Variants in SHANK2 observed in about 807,000 individuals in gnomAD.
SHANK2 encodes the protein SH3 and multiple ankyrin repeat domains 2, also known as SH3 and multiple ankyrin repeat domains protein 2.
In SHANK2, 43 loss-of-function variants were observed where a neutral mutation model predicts 133.7. That is an observed-to-expected ratio of 0.32 (90% CI 0.25 to 0.41). The LOEUF is 0.41. Among genes scored for constraint, SHANK2 ranks in the 10% least tolerant of loss-of-function variants. The pLI, the probability that SHANK2 is intolerant of heterozygous loss-of-function variation, is 1.00. For synonymous variants in SHANK2, 1,017 were observed against 952.8 expected, an observed-to-expected ratio of 1.07 and a Z score of -1.24; for missense variants, 1,994 against 2,235.8, an observed-to-expected ratio of 0.89 and a Z score of 2.18.
chr11:70,639,803 C>A (rs868994789), intron 17 of SHANK2, among the ~76,000 whole-genome samples: 8 of 152,096 alleles, frequency 5.3e-5, no homozygotes, highest in African/African-American at 1.7e-4. Flanking sequence ...CCTGAGCGGA[C>A]CCCCCTTGAG....
At chr11:71,145,792 C>T (rs1340749183) in intron 3 of SHANK2, among the ~76,000 whole-genome samples, 2 of 95,112 alleles carry the variant, frequency 2.1e-5, no homozygotes, top group Non-Finnish European at 4.3e-5. Flanking sequence ...GTGGCTGGGG[C>T]CGGGAGACTG....
At chr11:70,808,500 C>G (rs1264698396) in intron 12 of SHANK2, among the ~76,000 whole-genome samples, 4 of 147,262 alleles carry the variant, frequency 2.7e-5, no homozygotes, top group African/African-American at 1.0e-4. Flanking sequence ...CCGCACCTGG[C>G]CTATTTTGCC....
chr11:70,502,039 A>T, intron 19 of SHANK2, 108 bp from the exon 20 acceptor site: 7 of 1,372,216 alleles, frequency 5.1e-6, no homozygotes, highest in Non-Finnish European at 7.1e-6. Flanking sequence ...AGGTGCACAC[A>T]TGGGGCTGCG....
At chr11:70,688,744 A>G (rs1303510766) in intron 15 of SHANK2, among the ~76,000 whole-genome samples, 6 of 152,094 alleles carry the variant, frequency 3.9e-5, no homozygotes, top group Admixed American at 2.0e-4. Context: ...TCATGAGTCT[A>G]GGCCCTTTGT....
chr11:70,536,702 G>A lies in SHANK2; in HGVS notation c.2062-33771C>T, dbSNP rs540091182. On this transcript the variant is annotated intron_variant, in intron 17 of 25. Coordinates refer to ENST00000601538, the MANE Select transcript of SHANK2 (RefSeq NM_012309.5). ...CTTGAGCCAATGTCTTGGACATTTCGTGAAAATGGAACCGTGCACCGTGCC... is the reference window on the plus strand; with the variant it reads ...CTTGAGCCAATGTCTTGGACATTTCATGAAAATGGAACCGTGCACCGTGCC... Among the ~76,000 whole-genome samples, 5 of 152,312 alleles carry A rather than the reference G, an allele frequency of 3.3e-5. No individual in the cohort carries two copies. In the South Asian group the frequency reaches 8.3e-4, roughly 25 times the overall value.
At chr11:70,537,647 C>T (rs2059562981) in intron 17 of SHANK2, among the ~76,000 whole-genome samples, 2 of 152,240 alleles carry the variant, frequency 1.3e-5, no homozygotes, top group South Asian at 4.1e-4. Context: ...GAACACATTC[C>T]CCTTGCTTGA....
At chr11:70,783,321 C>T (rs184493279) in intron 14 of SHANK2, among the ~76,000 whole-genome samples, 4 of 152,192 alleles carry the variant, frequency 2.6e-5, no homozygotes, top group Non-Finnish European at 4.4e-5. Context: ...GGGGTATGGG[C>T]GATGGAAGGG....
intron 10 of SHANK2, among the ~76,000 whole-genome samples, chr11:70,937,945 A>G (rs1456009153): frequency 1.3e-5 from 2 of 152,032 alleles, no homozygotes; most frequent in Admixed American, 6.6e-5. Context: ...GCCTGTGTGC[A>G]TGCCTGTGTG....
intron 17 of SHANK2, among the ~76,000 whole-genome samples, chr11:70,561,352 C>T (rs1249281368): frequency 6.6e-6 from 1 of 151,934 alleles, no homozygotes; most frequent in African/African-American, 2.4e-5. Flanking sequence ...AAGGTTTTGC[C>T]ATGTTGCCCG....
At chr11:70,532,534 A>G (rs1308221843) in intron 17 of SHANK2, among the ~76,000 whole-genome samples, 1 of 151,802 alleles carries the variant, frequency 6.6e-6, no homozygotes, top group Non-Finnish European at 1.5e-5. Flanking sequence ...TCCTCGCCAG[A>G]CTCTAAAATG....
At chr11:71,057,242 G>A (rs1950931854) in intron 9 of SHANK2, among the ~76,000 whole-genome samples, 2 of 152,108 alleles carry the variant, frequency 1.3e-5, no homozygotes, top group South Asian at 2.1e-4. Flanking sequence ...GCTGAGGCAG[G>A]AGAATCACTT....
intron 11 of SHANK2, among the ~76,000 whole-genome samples, chr11:70,855,417 C>A (rs1329395083): frequency 1.3e-5 from 2 of 152,212 alleles, no homozygotes; most frequent in Admixed American, 1.3e-4. Context: ...CTCCCCCAAC[C>A]CCTTGCTCAG....
At chr11:70,792,099 C>T (rs1190014604) in intron 14 of SHANK2, among the ~76,000 whole-genome samples, 1 of 151,226 alleles carries the variant, frequency 6.6e-6, no homozygotes, top group Admixed American at 6.6e-5. Context: ...AATCAGCCAG[C>T]CAGCTAACCA....
intron 14 of SHANK2, among the ~76,000 whole-genome samples, chr11:70,711,841 G>C (rs1555026209): frequency 2.0e-5 from 3 of 152,244 alleles, no homozygotes; most frequent in African/African-American, 4.8e-5. Flanking sequence ...GGGCTCCCGG[G>C]ACTGACCTTG....
At chr11:71,132,943 G>A (rs781997923) in intron 3 of SHANK2, among the ~76,000 whole-genome samples, 6 of 152,128 alleles carry the variant, frequency 3.9e-5, no homozygotes, top group Non-Finnish European at 8.8e-5. Flanking sequence ...GAAGGCTGAG[G>A]GGCTGGGGAG....
chr11:70,918,613 C>A (rs543979851), intron 10 of SHANK2, among the ~76,000 whole-genome samples: 113 of 152,266 alleles, frequency 7.4e-4, no homozygotes, highest in Middle Eastern at 3.4e-3. Context: ...TCAAGTGATT[C>A]TCCGGCCTCA....
At chr11:70,873,866 C>T (rs1949511897) in intron 11 of SHANK2, among the ~76,000 whole-genome samples, 1 of 152,172 alleles carries the variant, frequency 6.6e-6, no homozygotes. Context: ...GCACCAGCCT[C>T]CTGTCACTAG....
chr11:70,792,760 T>C (rs1434330494), intron 14 of SHANK2, among the ~76,000 whole-genome samples: 1 of 152,076 alleles, frequency 6.6e-6, no homozygotes, highest in Non-Finnish European at 1.5e-5. Flanking sequence ...TCTATGTATA[T>C]CCAAAGTCTT....
At chr11:70,697,769 G>T (rs909666382) in intron 15 of SHANK2, among the ~76,000 whole-genome samples, 1 of 152,176 alleles carries the variant, frequency 6.6e-6, no homozygotes, top group Admixed American at 6.5e-5. Context: ...CCCAGCGTAG[G>T]GCTTCCGGAC....
Sources: gnomAD v4.1 joint callset for allele counts (sites outside exome capture counted in the v4.1 genomes callset) on GRCh38, gnomAD v4.1.1 for gene constraint, MANE v1.5 for transcripts, NCBI Gene and HGNC (gene_info 2026-07-23, HGNC 2026-07-21) for gene names.